Variants in GANC observed in about 807,000 individuals in gnomAD.
GANC encodes glucosidase alpha, neutral C, also known as neutral alpha-glucosidase C.
GANC carries 117 observed loss-of-function variants against 124.2 expected under a neutral mutation model. That is an observed-to-expected ratio of 0.94 (90% CI 0.81 to 1.10). The LOEUF (loss-of-function observed/expected upper bound fraction) is 1.10. Ranked by LOEUF, GANC falls within the 50% of genes least tolerant of loss-of-function variation. GANC has a pLI of 0.00. For missense variants in GANC, 1,140 were observed against 1,095.0 expected (o/e 1.04, Z -0.58); for synonymous variants, 377 against 376.8 (o/e 1.00, Z -0.01).
intron 6 of GANC, among the ~76,000 whole-genome samples, chr15:42,298,032 G>T (rs2051908391): frequency 6.6e-6 from 1 of 152,130 alleles, no homozygotes; most frequent in African/African-American, 2.4e-5. Flanking sequence ...TTACAAAATG[G>T]TGCTGTAGGA....
chr15:42,310,874 T>C, intron 10 of GANC, 28 bp downstream of exon 10: 1 of 1,602,472 alleles, frequency 6.2e-7, no homozygotes, highest in Non-Finnish European at 8.5e-7. Context: ...TGCCAGTTTC[T>C]TGTTCTGTTA....
chr15:42,353,385 C>T lies in GANC; in HGVS notation c.*1246C>T. The T allele has an allele frequency of 1.0e-6, 1 of 984,104 alleles. No homozygotes were observed. The highest frequency in any genetic ancestry group is 1.2e-6 in the Non-Finnish European group (1 of 828,280). The allele number at this position is 984,104 out of a possible 1,614,324, so 61.0% of individuals were successfully genotyped here. On this transcript the variant is annotated 3_prime_UTR_variant, in exon 24 of 24. Transcript: ENST00000318010. ...CTTAAATCCCACTTTCCCATGAAGC[C>T]TAACTGCGTGAACACCCCTACCCCC... is the stretch of plus-strand genomic sequence containing the variant.
At chr15:42,316,383 G>T (rs1370196946) in intron 10 of GANC, among the ~76,000 whole-genome samples, 7 of 152,154 alleles carry the variant, frequency 4.6e-5, no homozygotes, top group Admixed American at 6.5e-5. Context: ...TACAAGACAA[G>T]GGGGGCAGGG....
intron 6 of GANC, among the ~76,000 whole-genome samples, chr15:42,302,026 GTGGGTCCC>G (rs1358259050): frequency 6.6e-6 from 1 of 152,202 alleles, no homozygotes; most frequent in Non-Finnish European, 1.5e-5. Context: ...GCCTCCTCAA[GTGGGTCCC>G]TGACCCCCAT....
At chr15:42,344,963 T>C (rs907916122) in intron 19 of GANC, 1 of 152,232 alleles carries the variant, frequency 6.6e-6, no homozygotes, top group Non-Finnish European at 1.5e-5. Context: ...GTTCTGTGAT[T>C]GTTTCTCTTG....
rs535155651 is a variant in GANC, at chr15:42,340,518, C to T, written c.2088-172C>T. ...ACTTGGGAGACCGAGGCAGGAGAAT[C>T]GGTTGAACCCAAGAGGCGGAAACTG... On this transcript the variant is annotated intron_variant, in intron 17 of 23. Coordinates refer to ENST00000318010, the MANE Select transcript of GANC (RefSeq NM_198141.3). 1.1e-4 allele frequency among the ~76,000 whole-genome samples: 16 copies of T among 151,102 alleles called. No homozygotes were observed. The East Asian group carries it at 2.0e-3, about 19-fold the overall frequency.
intron 15 of GANC, among the ~76,000 whole-genome samples, chr15:42,334,864 T>G (rs2052272274): frequency 6.6e-6 from 1 of 152,128 alleles, no homozygotes. Context: ...GGAGAAAATG[T>G]AGGAGAAATG....
At chr15:42,351,288 C>T (rs373443857) in intron 22 of GANC, 41 bp from the exon 23 acceptor site, 5 of 1,474,484 alleles carry the variant, frequency 3.4e-6, no homozygotes, top group Non-Finnish European at 3.8e-6. Flanking sequence ...CACTTCAAAC[C>T]CCCATCCCTC....
intron 23 of GANC, 26 bp from the exon 24 acceptor site, chr15:42,352,004 C>T (rs754092949): frequency 1.2e-6 from 2 of 1,612,678 alleles, no homozygotes; most frequent in Middle Eastern, 1.7e-4. Context: ...ATCAAAATTT[C>T]CCTCTTTTAT....
intron 11 of GANC, among the ~76,000 whole-genome samples, chr15:42,325,433 A>C (rs75581614): frequency 6.6e-6 from 1 of 152,192 alleles, no homozygotes; most frequent in East Asian, 1.9e-4. Flanking sequence ...AAGTGATGGT[A>C]TTGTAAAGTC....
At chr15:42,276,197 T>C (rs2051669577) in intron 1 of GANC, 151 bp from the exon 2 acceptor site, 1 of 555,660 alleles carries the variant, frequency 1.8e-6, no homozygotes, top group South Asian at 2.1e-5. Context: ...AATGTGCTAT[T>C]ATGTTATACT....
At chr15:42,292,960 C>A in intron 5 of GANC, 43 bp downstream of exon 5, 2 of 1,555,874 alleles carry the variant, frequency 1.3e-6, no homozygotes, top group African/African-American at 1.4e-5. Context: ...CTTAACATAA[C>A]CTGGTTAATG....
chr15:42,285,751 C>T (rs1333376259), intron 3 of GANC, among the ~76,000 whole-genome samples: 2 of 152,096 alleles, frequency 1.3e-5, no homozygotes, highest in African/African-American at 2.4e-5. Context: ...GCCAAGATTG[C>T]GCCACTGCAC....
intron 15 of GANC, among the ~76,000 whole-genome samples, chr15:42,332,301 A>G (rs992558503): frequency 5.3e-5 from 8 of 152,198 alleles, no homozygotes; most frequent in African/African-American, 1.9e-4. Flanking sequence ...TATTTTACAA[A>G]TTGTCTACAA....
chr15:42,329,519 T>C, intron 14 of GANC, 70 bp downstream of exon 14: 1 of 1,486,574 alleles, frequency 6.7e-7, no homozygotes, highest in Non-Finnish European at 9.1e-7. Context: ...ATTTGCTTTG[T>C]GATATAATGG....
chr15:42,330,224 T>C (rs972757363), intron 14 of GANC, among the ~76,000 whole-genome samples: 1 of 152,212 alleles, frequency 6.6e-6, no homozygotes, highest in Non-Finnish European at 1.5e-5. Context: ...ATTTAACCTC[T>C]CTGAAGCTCA....
In GANC at chr15:42,310,395, A is replaced by T. The variant is rs769327896; in HGVS notation, c.835A>T (p.Thr279Ser). 3.0e-5 allele frequency: 49 copies of T among 1,613,854 alleles called. No individual in the cohort carries two copies. In the South Asian group the frequency reaches 5.3e-4, roughly 17 times the overall value. ...PYLLAHKLGR[T>S]IGIFWLNASE... The stretch of plus-strand genomic sequence containing the variant: ...TCTCCTGGCCCACAAACTGGGCAGA[A>T]CTATAGGTATTTTCTGGCTGAATGC... Residue 279 changes from threonine (T) to serine (S), a missense_variant, in exon 9 of 24, where the codon ACT (threonine) becomes TCT (serine). Thr to Ser is a moderately conservative substitution (Grantham distance 58). Coordinates refer to ENST00000318010, the MANE Select transcript of GANC (RefSeq NM_198141.3).
intron 2 of GANC, 79 bp from the exon 3 acceptor site, chr15:42,278,403 C>T (rs905678596): frequency 3.2e-6 from 3 of 931,170 alleles, no homozygotes; most frequent in Non-Finnish European, 5.0e-6. Flanking sequence ...ATTTTAATGA[C>T]TTCCACATGA....
Position 42,274,405 on chromosome 15 carries a change from C to G in GANC, c.-77C>G. ...TACTGGTTGTAATTTTAGAAAGACA[C>G]CCAATCGGCTTTTTTAAAAGATCGC... On this transcript the variant is annotated 5_prime_UTR_variant, in exon 1 of 24. Coordinates refer to ENST00000318010, the MANE Select transcript of GANC (RefSeq NM_198141.3). The G allele has an allele frequency of 6.8e-7, 1 of 1,475,006 alleles. No homozygotes were observed. Among genetic ancestry groups the G allele is most frequent in the South Asian group, 1.2e-5 (1 of 82,452 alleles). The allele number at this position is 1,475,006 out of a possible 1,614,324, so 91.4% of individuals were successfully genotyped here.
Sources: allele counts gnomAD v4.1 joint callset (sites outside exome capture counted in the v4.1 genomes callset), GRCh38; gene constraint gnomAD v4.1.1; transcripts MANE v1.5; gene names NCBI Gene and HGNC (gene_info 2026-07-23, HGNC 2026-07-21).